Variants in TPO observed in about 807,000 individuals in gnomAD.
TPO encodes the protein thyroid peroxidase, also known as thyroid microsomal antigen.
Under a neutral mutation model 96.9 loss-of-function variants are expected in TPO, and 78 were observed. That is an observed-to-expected ratio of 0.81 (90% CI 0.67 to 0.97). The LOEUF (loss-of-function observed/expected upper bound fraction) is 0.97, where lower values mean the gene tolerates loss of function less well. Among genes scored for constraint, TPO ranks in the 50% least tolerant of loss-of-function variants. The pLI is 0.00. For synonymous variants in TPO, 547 were observed against 538.0 expected (o/e 1.02, Z -0.23); for missense variants, 1,252 against 1,274.8 (o/e 0.98, Z 0.27).
chr2:1,377,756 G>A (rs1003950664), intron 1 of TPO, among the ~76,000 whole-genome samples: 5 of 152,260 alleles, frequency 3.3e-5, no homozygotes, highest in South Asian at 2.1e-4. Flanking sequence ...AGCTGCAGCC[G>A]CCCCTCTGTA....
chr2:1,422,337 CCTGGACCGACCTCGTGCAGGCGCCGCG>C (rs1336244835), intron 2 of TPO, among the ~76,000 whole-genome samples: 5,464 of 82,510 alleles, frequency 0.066, 169 homozygotes, highest in Non-Finnish European at 0.094. Flanking sequence ...AGGCGCCTCT[CCTGGACCGACCTCGTGCAGGCGCCGCG>C]CTGGACCGAC....
intron 3 of TPO, among the ~76,000 whole-genome samples, chr2:1,432,479 C>A (rs1665079760): frequency 6.6e-6 from 1 of 151,860 alleles, no homozygotes; most frequent in African/African-American, 2.4e-5. Context: ...TAAGGGGAGG[C>A]CTGCAGGTGA....
At chr2:1,525,567 C>T (rs1351594218) in intron 15 of TPO, among the ~76,000 whole-genome samples, 1 of 95,616 alleles carries the variant, frequency 1.0e-5, no homozygotes, top group Admixed American at 1.1e-4. Flanking sequence ...CCACTGTGTG[C>T]AAACCCCCCA....
At chr2:1,397,079 A>G (rs1662093008) in intron 1 of TPO, among the ~76,000 whole-genome samples, 2 of 152,158 alleles carry the variant, frequency 1.3e-5, no homozygotes, top group South Asian at 4.1e-4. Flanking sequence ...GTCATCTGAA[A>G]GGTGGAAACA....
At chr2:1,379,923 A>C (rs1183311807) in intron 1 of TPO, among the ~76,000 whole-genome samples, 1 of 152,176 alleles carries the variant, frequency 6.6e-6, no homozygotes, top group Non-Finnish European at 1.5e-5. Flanking sequence ...CCAAGTACTG[A>C]GAGTCGAGAG....
At chr2:1,482,318 T>G (rs913624897) in intron 8 of TPO, among the ~76,000 whole-genome samples, 3 of 152,024 alleles carry the variant, frequency 2.0e-5, no homozygotes, top group African/African-American at 7.2e-5. Flanking sequence ...CACTGGTGAG[T>G]TGTGAAGGCA....
Position 1,535,759 on chromosome 2 carries a change from G to A in TPO, c.2619-4835G>A, listed in dbSNP as rs537807177. Among the ~76,000 whole-genome samples the A allele has an allele frequency of 4.7e-4, 31 of 65,840 alleles. 2 individuals are homozygous for A. Among genetic ancestry groups the A allele is most frequent in the African/African-American group, 1.4e-3 (25 of 17,488 alleles). The allele number at this position is 65,840 out of a possible 152,430, so 43.2% of individuals were successfully genotyped here. A position where few individuals can be genotyped will look rare whatever the true frequency, so the allele number is the denominator to read the frequency against. ...ACCTCCCCAAATCCCCCCACTCTGT[G>A]CAACCTCCCGAAATCCCCCCAACTC... On this transcript the variant is annotated intron_variant, in intron 15 of 16. Coordinates refer to ENST00000329066, the MANE Select transcript of TPO (RefSeq NM_001206744.2).
chr2:1,481,838 G>A (rs759044922), intron 8 of TPO, among the ~76,000 whole-genome samples: 3 of 152,168 alleles, frequency 2.0e-5, no homozygotes, highest in South Asian at 2.1e-4. Context: ...TCTCCTGGTC[G>A]TTCCTCTCCA....
intron 3 of TPO, among the ~76,000 whole-genome samples, chr2:1,423,591 T>G (rs1226131415): frequency 6.6e-6 from 1 of 152,116 alleles, no homozygotes; most frequent in Non-Finnish European, 1.5e-5. Flanking sequence ...ACACCACTAT[T>G]AAGAATATTG....
At chr2:1,536,150 TC>T (rs1558437616) in intron 15 of TPO, among the ~76,000 whole-genome samples, 1 of 13,424 alleles carries the variant, frequency 7.4e-5, no homozygotes, top group Non-Finnish European at 1.3e-4. Context: ...CTATGCAACC[TC>T]CCCGTTCCCC....
At position 1,486,724 on chromosome 2, in the gene TPO, T is replaced by A. The variant is rs916290589; in HGVS notation, c.1598-1097T>A. 5.9e-5 allele frequency among the ~76,000 whole-genome samples: 9 copies of A among 152,178 alleles called. 1 individual carries two copies. Among genetic ancestry groups the A allele is most frequent in the African/African-American group, 2.2e-4 (9 of 41,444 alleles). On this transcript the variant is annotated intron_variant, in intron 9 of 16. Coordinates refer to ENST00000329066, the MANE Select transcript of TPO (RefSeq NM_001206744.2). Reference sequence around the variant, plus strand: ...AAGCTTCCCCATTTTTTCTTTATATTCCTTTCCCAGTAGTCTGTAAGTCCT... The same window carrying A: ...AAGCTTCCCCATTTTTTCTTTATATACCTTTCCCAGTAGTCTGTAAGTCCT...
rs1479812205 is a variant in TPO, at chr2:1,543,365, G to C, written c.*891G>C. ...ACACATCTGACCTGGAGTTCTACCT[G>C]CACTAAGAGAAGAGAGTGGTAACTA... On this transcript the variant is annotated 3_prime_UTR_variant, in exon 17 of 17. Transcript: ENST00000329066. The C allele has an allele frequency of 6.6e-6, 1 of 152,182 alleles. No homozygotes were observed. Among genetic ancestry groups the C allele is most frequent in the Non-Finnish European group, 1.5e-5 (1 of 68,066 alleles). 9.4% of individuals were successfully genotyped at this position (152,182 alleles called of 1,614,324 possible).
chr2:1,422,388 C>CTCTCCT (rs1573110964), intron 2 of TPO, among the ~76,000 whole-genome samples: 6 of 152,018 alleles, frequency 3.9e-5, no homozygotes, highest in South Asian at 2.1e-4. Flanking sequence ...GTGCAGGCGC[C>CTCTCCT]GCGCTGGGCC....
At chr2:1,424,278 G>C (rs531625512) in intron 3 of TPO, among the ~76,000 whole-genome samples, 68 of 144,286 alleles carry the variant, frequency 4.7e-4, no homozygotes, top group African/African-American at 1.6e-3. Context: ...GGAATGTCTG[G>C]GTTATGTTAA....
intron 4 of TPO, among the ~76,000 whole-genome samples, chr2:1,434,298 G>C (rs900279191): frequency 6.6e-6 from 1 of 152,110 alleles, no homozygotes; most frequent in African/African-American, 2.4e-5. Flanking sequence ...TCTCTGCAGC[G>C]CCATGAGCTA....
At chr2:1,473,549 T>C (rs1669628784) in intron 7 of TPO, among the ~76,000 whole-genome samples, 1 of 152,228 alleles carries the variant, frequency 6.6e-6, no homozygotes, top group Admixed American at 6.5e-5. Flanking sequence ...TATCTTCATA[T>C]AAACTTTAAA....
At chr2:1,503,406 T>TAC (rs1319860475) in intron 13 of TPO, among the ~76,000 whole-genome samples, 1 of 152,228 alleles carries the variant, frequency 6.6e-6, no homozygotes, top group Admixed American at 6.5e-5. Context: ...GAACAAAATG[T>TAC]ACAGCAGGTT....
At chr2:1,398,757 G>C (rs1662123001) in intron 1 of TPO, among the ~76,000 whole-genome samples, 2 of 152,174 alleles carry the variant, frequency 1.3e-5, no homozygotes, top group African/African-American at 4.8e-5. Flanking sequence ...AAGGAATGGG[G>C]TGCTGGGGCC....
At chr2:1,462,042 A>T (rs1668494290) in intron 7 of TPO, among the ~76,000 whole-genome samples, 1 of 152,144 alleles carries the variant, frequency 6.6e-6, no homozygotes, top group African/African-American at 2.4e-5. Flanking sequence ...AGTTAGAGTG[A>T]GCCCGGTCAC....
Sources: gnomAD v4.1 joint callset for allele counts (sites outside exome capture counted in the v4.1 genomes callset) on GRCh38, gnomAD v4.1.1 for gene constraint, MANE v1.5 for transcripts, NCBI Gene and HGNC (gene_info 2026-07-23, HGNC 2026-07-21) for gene names.